Variants in TSPAN17 observed in about 807,000 individuals in gnomAD.
TSPAN17 encodes tetraspanin 17.
Under a neutral mutation model 40.5 loss-of-function variants are expected in TSPAN17, and 33 were observed. The observed-to-expected ratio is 0.81, with a 90% CI of 0.62 to 1.09. TSPAN17 has a LOEUF of 1.09. Ranked by LOEUF, TSPAN17 falls within the 50% of genes least tolerant of loss-of-function variation. TSPAN17 has a pLI of 0.00. For missense variants in TSPAN17, 365 were observed against 416.8 expected, an observed-to-expected ratio of 0.88 and a Z score of 1.08; for synonymous variants, 166 against 169.4, an observed-to-expected ratio of 0.98 and a Z score of 0.15.
At chr5:176,647,761 G>A (rs1294410725) in intron 1 of TSPAN17, 59 bp downstream of exon 1, 4 of 1,475,138 alleles carry the variant, frequency 2.7e-6, no homozygotes, top group Non-Finnish European at 3.7e-6. Context: ...GGGAGATTCA[G>A]TCTTTTGCTG....
rs115411821 is a variant in TSPAN17, at chr5:176,651,648, C to T, written c.120C>T (p.Leu40=). 3,016 of 1,613,964 alleles carry T rather than the reference C, an allele frequency of 1.9e-3. 31 individuals carry two copies. The African/African-American group carries it at 0.03, about 16-fold the overall frequency. Residue 40 remains leucine (L), a synonymous_variant, in exon 2 of 9, where the codon CTC becomes CTT. Coordinates refer to ENST00000508164, the MANE Select transcript of TSPAN17 (RefSeq NM_130465.5). This position sits in a 1 kb window ranked among gnomAD's most constrained non-coding sequence, Gnocchi z 4.5. ...GAGCCCTGTTCCTGGCTATCGGCCT[C>T]TGGGCCTGGGGTGAGAAGGTAAGGC... ...VLGALFLAIG[L]WAWGEKGVLS... is the part of the protein sequence containing the mutation.
rs183587925 is a variant in TSPAN17, at chr5:176,648,284, C to T, written c.87+582C>T. 1.1e-3 allele frequency among the ~76,000 whole-genome samples: 175 copies of T among 152,288 alleles called. No homozygotes were observed. In the South Asian group the frequency reaches 0.013, roughly 12 times the overall value. ...GGGAGGGACAATGGCGAGTCCTTGG[C>T]GGCTGGGAGAGGATCTCCCCGGTTG... On this transcript the variant is annotated intron_variant, in intron 1 of 8. Transcript: ENST00000508164.
intron 8 of TSPAN17, 54 bp downstream of exon 8, chr5:176,657,010 G>A: frequency 4.4e-6 from 7 of 1,574,704 alleles, no homozygotes; most frequent in Non-Finnish European, 6.1e-6. Context: ...GCCTCTGGGG[G>A]GCCCCCCAGG....
chr5:176,656,398 C>G (rs1761158466), intron 6 of TSPAN17, among the ~76,000 whole-genome samples: 1 of 152,148 alleles, frequency 6.6e-6, no homozygotes, highest in African/African-American at 2.4e-5. Context: ...ACAGTCGGCT[C>G]TGGAGGAGTG....
chr5:176,647,735 G>C, intron 1 of TSPAN17, 33 bp downstream of exon 1: 1 of 1,534,448 alleles, frequency 6.5e-7, no homozygotes, highest in Non-Finnish European at 8.8e-7. Context: ...GCCCTGTGCT[G>C]GGGGGTGGTG....
intron 4 of TSPAN17, chr5:176,653,857 G>A (rs1442723673): frequency 6.6e-6 from 1 of 152,248 alleles, no homozygotes; most frequent in African/African-American, 2.4e-5. Context: ...GCCAGGCCCT[G>A]AGGATTCGGC....
chr5:176,654,694 G>A lies in TSPAN17; in HGVS notation c.457-201G>A. ...TGGGTCGGGGAAGGGGGAGCTCAGT[G>A]TCCCCTCCCTTGCACCCCTCTGCCT... On this transcript the variant is annotated intron_variant, in intron 4 of 8. Transcript: ENST00000508164. This position sits in a 1 kb window ranked among gnomAD's most constrained non-coding sequence, Gnocchi z 4.3. The A allele has an allele frequency of 1.7e-6, 1 of 598,986 alleles. No homozygotes were observed. The highest frequency in any genetic ancestry group is 2.9e-6 in the Non-Finnish European group (1 of 344,084). The allele number at this position is 598,986 out of a possible 1,614,324, so 37.1% of individuals were successfully genotyped here.
intron 8 of TSPAN17, chr5:176,657,306 G>A: frequency 1.2e-6 from 1 of 843,356 alleles, no homozygotes; most frequent in Non-Finnish European, 1.8e-6. Context: ...GCTGTGTGGA[G>A]GGTCCCCCCC....
chr5:176,648,874 T>C (rs945002758), intron 1 of TSPAN17, among the ~76,000 whole-genome samples: 4 of 152,182 alleles, frequency 2.6e-5, no homozygotes, highest in Admixed American at 6.5e-5. Context: ...ACTGAAGGAA[T>C]AGACACAGAG....
In TSPAN17 at chr5:176,648,046, G is replaced by A. The variant is rs1285593972; in HGVS notation, c.87+344G>A. Among the ~76,000 whole-genome samples the A allele has an allele frequency of 2.0e-5, 3 of 152,210 alleles. No individual in the cohort carries two copies. In the South Asian group the frequency reaches 6.2e-4, roughly 31 times the overall value. ...CTCGCCCAGCCCTCCTTCCTACCCTGGGATGTGGGATGCGTGCCAAGCCCC... is the reference window on the plus strand; with the variant it reads ...CTCGCCCAGCCCTCCTTCCTACCCTAGGATGTGGGATGCGTGCCAAGCCCC... On this transcript the variant is annotated intron_variant, in intron 1 of 8. Transcript: ENST00000508164.
rs984596470 is a variant in TSPAN17, at chr5:176,652,410, G to A, written c.286-333G>A. Among the ~76,000 whole-genome samples, 109 of 152,314 alleles carry A rather than the reference G, an allele frequency of 7.2e-4. 2 individuals carry two copies. The highest frequency in any genetic ancestry group is 3.9e-4 in the East Asian group (2 of 5,178). ...CGAGGGAGGCAGTGCTCTGATTGGT[G>A]GGCTTTAGGCACTTGCCAGTCCTGT... On this transcript the variant is annotated intron_variant, in intron 3 of 8. Coordinates refer to ENST00000508164, the MANE Select transcript of TSPAN17 (RefSeq NM_130465.5).
intron 4 of TSPAN17, 24 bp downstream of exon 4, chr5:176,652,937 A>C: frequency 6.2e-7 from 1 of 1,612,916 alleles, no homozygotes; most frequent in Non-Finnish European, 8.5e-7. Flanking sequence ...CCAGCCTGGG[A>C]CACCTGTAGG....
intron 4 of TSPAN17, 141 bp downstream of exon 4, chr5:176,653,054 C>T (rs1561917352): frequency 1.0e-5 from 9 of 863,960 alleles, no homozygotes; most frequent in East Asian, 7.7e-5. Context: ...GGAGTGTCCT[C>T]GTCCGAGGAG....
chr5:176,652,201 C>T (rs1010018065), intron 3 of TSPAN17, among the ~76,000 whole-genome samples: 3 of 152,178 alleles, frequency 2.0e-5, no homozygotes, highest in South Asian at 4.1e-4. Flanking sequence ...CCCTGTTTCT[C>T]GGGCTCCCCC....
chr5:176,652,614 G>C (rs1034236803), intron 3 of TSPAN17, 129 bp from the exon 4 acceptor site: 1 of 790,840 alleles, frequency 1.3e-6, no homozygotes, highest in African/African-American at 1.7e-5. Context: ...AATAGAAGGT[G>C]GGGGCTCTGG....
At chr5:176,657,202 G>A (rs1761193473) in intron 8 of TSPAN17, 1 of 618,928 alleles carries the variant, frequency 1.6e-6, no homozygotes, top group Non-Finnish European at 2.8e-6. Context: ...TGTGCACAGG[G>A]AGCCACCGTC....
chr5:176,651,174 G>T lies in TSPAN17; in HGVS notation c.88-442G>T, dbSNP rs1202487775. Among the ~76,000 whole-genome samples, 1 of 152,150 alleles carries T rather than the reference G, an allele frequency of 6.6e-6. No homozygotes were observed. The highest frequency in any genetic ancestry group is 1.5e-5 in the Non-Finnish European group (1 of 68,024). On this transcript the variant is annotated intron_variant, in intron 1 of 8. Transcript: ENST00000508164. This position sits in a 1 kb window ranked among gnomAD's most constrained non-coding sequence, Gnocchi z 4.5. ...GGGGAGGAGTGTTGAGGGCGGGGCC[G>T]CAGTCACACGGCTTTAGGGTAGCAG...
intron 1 of TSPAN17, among the ~76,000 whole-genome samples, chr5:176,648,761 G>A (rs1256680192): frequency 2.6e-5 from 4 of 152,236 alleles, no homozygotes; most frequent in African/African-American, 9.6e-5. Flanking sequence ...CCTGGGAGAC[G>A]ACGATAAAGA....
At chr5:176,657,043 G>T in intron 8 of TSPAN17, 87 bp downstream of exon 8, 1 of 1,344,260 alleles carries the variant, frequency 7.4e-7, no homozygotes, top group Non-Finnish European at 1.0e-6. Context: ...TACTCCTGAC[G>T]GGCAAGGCTG....
Sources: allele counts gnomAD v4.1 joint callset (sites outside exome capture counted in the v4.1 genomes callset), GRCh38; gene constraint gnomAD v4.1.1; non-coding constraint Gnocchi (gnomAD v3.1); transcripts MANE v1.5; gene names NCBI Gene and HGNC (gene_info 2026-07-23, HGNC 2026-07-21).